The following EML6 variants were observed in gnomAD, a reference collection of about 807,000 sequenced individuals.
EML6 encodes echinoderm microtubule-associated protein-like 6.
In EML6, 154 loss-of-function variants were observed where a neutral mutation model predicts 240.1. The ratio of observed to expected loss-of-function variants is 0.64; its 90% CI spans 0.56 to 0.73. The LOEUF is 0.73. Ranked by LOEUF, EML6 falls within the 30% of genes least tolerant of loss-of-function variation. The pLI, the probability that EML6 is intolerant of heterozygous loss-of-function variation, is 0.00. For synonymous variants in EML6, 1,148 were observed against 899.0 expected (o/e 1.28, Z -4.95); for missense variants, 2,964 against 2,474.6 (o/e 1.20, Z -4.20).
At chr2:54,859,416 C>T in intron 11 of EML6, 118 bp from the exon 12 acceptor site, 1 of 760,426 alleles carries the variant, frequency 1.3e-6, no homozygotes, top group Non-Finnish European at 2.1e-6. Context: ...TAAGACGGAA[C>T]ATCGTTTTCA....
intron 2 of EML6, among the ~76,000 whole-genome samples, chr2:54,779,386 A>T (rs963871028): frequency 6.6e-6 from 1 of 151,812 alleles, no homozygotes; most frequent in African/African-American, 2.4e-5. Flanking sequence ...TAAAAAAAAA[A>T]TACAAAAAAA....
In EML6 at chr2:54,853,773, T is replaced by G; in HGVS notation, c.1575T>G (p.Asp525Glu). ...YTEVTDINSV[D>E]ANYNSSVLVS... ...AGGTTACTGACATCAACTCAGTGGA[T>G]GCGAATTACAACAGCTCAGTGCTGG... Residue 525 changes from aspartate (D) to glutamate (E), a missense_variant, in exon 11 of 42, where the codon GAT (aspartate) becomes GAG (glutamate). Transcript: ENST00000356458. The G allele has an allele frequency of 1.9e-6, 3 of 1,551,650 alleles. No individual in the cohort carries two copies. In the South Asian group the frequency reaches 3.6e-5, roughly 18 times the overall value.
At chr2:54,807,615 A>G (rs1481558286) in intron 2 of EML6, among the ~76,000 whole-genome samples, 1 of 152,218 alleles carries the variant, frequency 6.6e-6, no homozygotes, top group Non-Finnish European at 1.5e-5. Flanking sequence ...GGAGTAACAC[A>G]CCATCTATGG....
rs549481493 is a variant in EML6, at chr2:54,753,186, G to A, written c.197+27928G>A. Among the ~76,000 whole-genome samples, 5 of 152,306 alleles carry A rather than the reference G, an allele frequency of 3.3e-5. 1 individual carries two copies. Among genetic ancestry groups the A allele is most frequent in the African/African-American group, 1.2e-4 (5 of 41,566 alleles). On this transcript the variant is annotated intron_variant, in intron 2 of 41. Coordinates refer to ENST00000356458, the MANE Select transcript of EML6 (RefSeq NM_001039753.4). ...CACATTCTTGCCAAGACTTGGTATT[G>A]AATGTCTTTTTCAGTTTTAATTATC...
intron 7 of EML6, among the ~76,000 whole-genome samples, chr2:54,841,050 G>C (rs1489743705): frequency 1.3e-5 from 2 of 152,054 alleles, no homozygotes; most frequent in African/African-American, 2.4e-5. Flanking sequence ...GTTGACTCCT[G>C]AGTGGTAATG....
intron 38 of EML6, among the ~76,000 whole-genome samples, chr2:54,966,051 C>G (rs1227254717): frequency 6.6e-6 from 1 of 152,228 alleles, no homozygotes; most frequent in Non-Finnish European, 1.5e-5. Context: ...CTTTCACTGT[C>G]TCAATCATAA....
At chr2:54,857,246 G>C (rs1194047571) in intron 11 of EML6, among the ~76,000 whole-genome samples, 1 of 152,210 alleles carries the variant, frequency 6.6e-6, no homozygotes, top group Non-Finnish European at 1.5e-5. Flanking sequence ...GGAGATGTCA[G>C]GGCTGGAGAT....
intron 32 of EML6, among the ~76,000 whole-genome samples, chr2:54,956,650 G>A (rs970085161): frequency 7.9e-5 from 12 of 152,054 alleles, no homozygotes; most frequent in Admixed American, 5.2e-4. Context: ...AGCCTCGCCT[G>A]GAAAGAGATT....
chr2:54,772,918 G>A (rs1230200615), intron 2 of EML6, among the ~76,000 whole-genome samples: 1 of 152,216 alleles, frequency 6.6e-6, no homozygotes, highest in African/African-American at 2.4e-5. Context: ...GGGAAGTCTT[G>A]GAACCAAATA....
Position 54,947,311 on chromosome 2 carries a change from C to T in EML6, c.4005-1571C>T, listed in dbSNP as rs573933111. Among the ~76,000 whole-genome samples the T allele has an allele frequency of 3.3e-5, 5 of 152,286 alleles. No individual in the cohort carries two copies. The South Asian group carries it at 1.0e-3, about 32-fold the overall frequency. ...TTGTGAGAACTGGCATGCCCCCAGT[C>T]TCCCGATTTTGCTCAATTTGGTGGC... On this transcript the variant is annotated intron_variant, in intron 28 of 41. Coordinates refer to ENST00000356458, the MANE Select transcript of EML6 (RefSeq NM_001039753.4).
chr2:54,725,028 C>CGG lies in EML6; in HGVS notation c.-28_-27dup. The CGG allele has an allele frequency of 6.8e-7, 1 of 1,468,260 alleles. No homozygotes were observed. Among genetic ancestry groups the CGG allele is most frequent in the Non-Finnish European group, 9.0e-7 (1 of 1,110,520 alleles). 91.0% of individuals were successfully genotyped at this position (1,468,260 alleles called of 1,614,324 possible). ...CCTCGGCGAGGACGGCCCCGGCGCG[C>CGG]GGGGGGGCGGGGGGCGCGCGGGGTC... is the stretch of plus-strand genomic sequence containing the variant. On this transcript the variant is annotated 5_prime_UTR_variant, in exon 2 of 42. Transcript: ENST00000356458. The surrounding 1 kb of genome is among the most constrained non-coding windows in gnomAD (Gnocchi z 4.3).
chr2:54,949,109 CTG>C, intron 29 of EML6, 149 bp downstream of exon 29: 1 of 651,534 alleles, frequency 1.5e-6, no homozygotes. Context: ...CTACGTAGCA[CTG>C]TGTCTTCCAT....
At chr2:54,797,789 T>A (rs1374946371) in intron 2 of EML6, among the ~76,000 whole-genome samples, 3 of 152,226 alleles carry the variant, frequency 2.0e-5, no homozygotes, top group African/African-American at 7.2e-5. Flanking sequence ...CTACCACTTA[T>A]CAGCCATGTA....
At chr2:54,811,127 C>G (rs1667821884) in intron 2 of EML6, among the ~76,000 whole-genome samples, 1 of 152,146 alleles carries the variant, frequency 6.6e-6, no homozygotes, top group Admixed American at 6.6e-5. Flanking sequence ...CTCCCTGTCT[C>G]TCCCTGGTCC....
intron 7 of EML6, among the ~76,000 whole-genome samples, chr2:54,841,586 CTT>C (rs3038252): frequency 2.5e-5 from 3 of 118,914 alleles, no homozygotes; most frequent in Non-Finnish European, 3.4e-5. Flanking sequence ...TTTGTCTTGG[CTT>C]TTTTTTTTTT....
chr2:54,761,198 A>G (rs1184212529), intron 2 of EML6, among the ~76,000 whole-genome samples: 1 of 152,136 alleles, frequency 6.6e-6, no homozygotes, highest in Admixed American at 6.6e-5. Context: ...AGACTACCAA[A>G]GTCATAGTAC....
At chr2:54,905,657 G>A (rs928510105) in intron 24 of EML6, among the ~76,000 whole-genome samples, 1 of 152,086 alleles carries the variant, frequency 6.6e-6, no homozygotes, top group Non-Finnish European at 1.5e-5. Flanking sequence ...TTTTCATCTT[G>A]TAATACTGAT....
At chr2:54,866,718 G>A (rs1334618339) in intron 13 of EML6, 48 bp from the exon 14 acceptor site, 16 of 1,073,212 alleles carry the variant, frequency 1.5e-5, no homozygotes, top group Non-Finnish European at 2.2e-5. Flanking sequence ...GATATTTTTG[G>A]AACCTGATGA....
At chr2:54,765,366 T>A (rs1156522173) in intron 2 of EML6, among the ~76,000 whole-genome samples, 1 of 152,226 alleles carries the variant, frequency 6.6e-6, no homozygotes, top group Non-Finnish European at 1.5e-5. Flanking sequence ...ATTTTAGCAT[T>A]TAATTATATA....
Sources: allele counts gnomAD v4.1 joint callset (sites outside exome capture counted in the v4.1 genomes callset), GRCh38; gene constraint gnomAD v4.1.1; non-coding constraint Gnocchi (gnomAD v3.1); transcripts MANE v1.5; gene names NCBI Gene and HGNC (gene_info 2026-07-23, HGNC 2026-07-21).